The following TNRC6C variants were observed in gnomAD, a reference collection of about 807,000 sequenced individuals.
The protein encoded by TNRC6C is trinucleotide repeat-containing gene 6C protein.
A neutral mutation model predicts 153.7 loss-of-function variants in TNRC6C; 20 were observed. The ratio of observed to expected loss-of-function variants is 0.13; its 90% confidence interval spans 0.09 to 0.19. The LOEUF (loss-of-function observed/expected upper bound fraction) is 0.19. Among genes scored for constraint, TNRC6C ranks in the 10% least tolerant of loss-of-function variants. The pLI, the probability that TNRC6C is intolerant of heterozygous loss-of-function variation, is 1.00. For missense variants in TNRC6C, 1,987 were observed against 2,172.0 expected (o/e 0.91, Z 1.69); for synonymous variants, 811 against 841.4 (o/e 0.96, Z 0.63).
At chr17:78,074,017 A>G (rs962578218) in intron 7 of TNRC6C, among the ~76,000 whole-genome samples, 1 of 152,212 alleles carries the variant, frequency 6.6e-6, no homozygotes, top group African/African-American at 2.4e-5. Context: ...GTACCATATC[A>G]TTGATTCATG....
intron 1 of TNRC6C, among the ~76,000 whole-genome samples, chr17:77,961,511 T>C (rs377151124): frequency 6.8e-4 from 103 of 151,764 alleles, no homozygotes; most frequent in African/African-American, 2.4e-3. Context: ...CTGTCTGTCA[T>C]AAGGTTTAAT....
rs2072461171 is a variant in TNRC6C, at chr17:78,048,854, A to G, written c.-209A>G. ...GTTTCATCTTTTTCAGATCTCAGTC[A>G]TAGTGGATTGGCAGATCATTATGAA... On this transcript the variant is annotated 5_prime_UTR_variant, in exon 3 of 20. Coordinates refer to ENST00000301624, the Ensembl canonical transcript of TNRC6C. The G allele has an allele frequency of 4.0e-6, 5 of 1,238,388 alleles. 1 individual carries two copies. The highest frequency in any genetic ancestry group is 6.2e-4 in the Middle Eastern group (2 of 3,252). 76.7% of individuals were successfully genotyped at this position (1,238,388 alleles called of 1,614,324 possible).
At chr17:78,017,866 A>G (rs1188415460) in intron 1 of TNRC6C, among the ~76,000 whole-genome samples, 3 of 152,206 alleles carry the variant, frequency 2.0e-5, no homozygotes, top group Non-Finnish European at 4.4e-5. Context: ...GTGCGCACAC[A>G]TACACACAGA....
intron 6 of TNRC6C, among the ~76,000 whole-genome samples, chr17:78,072,055 C>T (rs1470472796): frequency 6.6e-6 from 1 of 152,210 alleles, no homozygotes; most frequent in East Asian, 1.9e-4. Context: ...TAGTGTTTAT[C>T]TTTCAGTTAC....
At chr17:78,086,512 C>T in exon 12 of TNRC6C, 2 of 1,613,796 alleles carry the variant, frequency 1.2e-6, no homozygotes, top group Non-Finnish European at 8.5e-7. Flanking sequence ...GGCATACCAA[C>T]GTTTACAAAT....
rs761429790 is a variant in TNRC6C at position 78,086,859 on chromosome 17, C to T, written c.3568C>T (p.Arg1190Cys). Residue 1190 changes from arginine (R) to cysteine (C), a missense_variant, in exon 13 of 20, where the codon CGC becomes TGC. By Grantham distance (180) the Arg-to-Cys change is radical. Transcript: ENST00000301624. ...CTATGTCTCTGCCTGCCAGGTTGCG[C>T]GCACAATCACTAATCTGCAGCAGCA... The T allele has an allele frequency of 1.1e-5, 18 of 1,611,674 alleles. No individual in the cohort carries two copies. The Middle Eastern group carries it at 4.9e-4, about 44-fold the overall frequency.
At chr17:78,081,619 ACT>A (rs2073182014) in intron 10 of TNRC6C, among the ~76,000 whole-genome samples, 1 of 151,880 alleles carries the variant, frequency 6.6e-6, no homozygotes. Context: ...ATCGGGGGTG[ACT>A]CTGCCATAGC....
At chr17:78,029,009 T>C (rs2072003365) in intron 1 of TNRC6C, among the ~76,000 whole-genome samples, 1 of 152,232 alleles carries the variant, frequency 6.6e-6, no homozygotes, top group South Asian at 2.1e-4. Flanking sequence ...ACCCTATTAT[T>C]AGGTTATCAC....
At chr17:77,987,775 G>GGAGA (rs1567902515) in intron 1 of TNRC6C, among the ~76,000 whole-genome samples, 1 of 152,128 alleles carries the variant, frequency 6.6e-6, no homozygotes, top group African/African-American at 2.4e-5. Context: ...TGCCTCCCGG[G>GGAGA]TTCAAGCGAT....
At chr17:77,977,951 A>G (rs1002802240) in intron 1 of TNRC6C, among the ~76,000 whole-genome samples, 4 of 133,378 alleles carry the variant, frequency 3.0e-5, no homozygotes, top group African/African-American at 8.8e-5. Context: ...GCTGGAGTGC[A>G]GTGGCGCAAT....
Position 78,075,967 on chromosome 17 carries a change from A to G in TNRC6C, c.3060+689A>G, listed in dbSNP as rs1439050952. On this transcript the variant is annotated intron_variant, in intron 8 of 19. Coordinates refer to ENST00000301624, the Ensembl canonical transcript of TNRC6C. This position sits in a 1 kb window ranked among gnomAD's most constrained non-coding sequence, Gnocchi z 4.2. The stretch of plus-strand genomic sequence containing the variant: ...TGCGGTGGCTCACTCCTGTAATCCC[A>G]GCACTTTGGGAGGCTGAGGTGGGTG... 1.3e-5 allele frequency among the ~76,000 whole-genome samples: 2 copies of G among 152,078 alleles called. No homozygotes were observed. Among genetic ancestry groups the G allele is most frequent in the Admixed American group, 6.6e-5 (1 of 15,264 alleles).
At chr17:77,967,296 T>C (rs2070905052) in intron 1 of TNRC6C, among the ~76,000 whole-genome samples, 1 of 152,220 alleles carries the variant, frequency 6.6e-6, no homozygotes, top group Admixed American at 6.5e-5. Context: ...TTAGCAGGGA[T>C]AATAACATGT....
Position 78,007,420 on chromosome 17 carries a change from A to G in TNRC6C, c.-546+2341A>G, listed in dbSNP as rs554922717. Among the ~76,000 whole-genome samples, 43 of 152,368 alleles carry G rather than the reference A, an allele frequency of 2.8e-4. No individual in the cohort carries two copies. The South Asian group carries it at 8.7e-3, about 31-fold the overall frequency. ...TCTTCATTATTACTGGTTCAAACCA[A>G]AATTCATTGCCTGAGAAATATTGGT... On this transcript the variant is annotated intron_variant, in intron 1 of 19. Transcript: ENST00000301624.
Position 78,092,922 on chromosome 17 carries a change from T to C in TNRC6C, c.3971-11T>C, listed in dbSNP as rs1214377316. Reference sequence around the variant, plus strand: ...ATTCACTCGCTTCTTTGTTTCCTATTGTCCCCATAGGTGCTATCCCTGGAG... The same window carrying C: ...ATTCACTCGCTTCTTTGTTTCCTATCGTCCCCATAGGTGCTATCCCTGGAG... On this transcript the variant is annotated splice_polypyrimidine_tract_variant and intron_variant, in intron 14 of 19. Transcript: ENST00000301624. 6.2e-7 allele frequency: 1 copy of C among 1,612,388 alleles called. No individual in the cohort carries two copies. Among genetic ancestry groups the C allele is most frequent in the Middle Eastern group, 1.7e-4 (1 of 5,934 alleles).
intron 2 of TNRC6C, among the ~76,000 whole-genome samples, chr17:78,041,493 A>G (rs996408338): frequency 8.5e-5 from 13 of 152,204 alleles, no homozygotes; most frequent in African/African-American, 2.9e-4. Context: ...TTTTGAAGAA[A>G]AACACAAGGC....
rs2072978737 is a variant in TNRC6C, at chr17:78,070,766, C to G, written c.2779-319C>G. Among the ~76,000 whole-genome samples, 8 of 152,002 alleles carry G rather than the reference C, an allele frequency of 5.3e-5. No homozygotes were observed. In the South Asian group the frequency reaches 1.2e-3, roughly 24 times the overall value. Reference sequence around the variant, plus strand: ...TCACATAGGGCTGTGTTCAAGGGAGCGCTTAGGATTATTGGATAGTAAAAG... The same window carrying G: ...TCACATAGGGCTGTGTTCAAGGGAGGGCTTAGGATTATTGGATAGTAAAAG... On this transcript the variant is annotated intron_variant, in intron 5 of 19. Transcript: ENST00000301624.
intron 1 of TNRC6C, among the ~76,000 whole-genome samples, chr17:77,995,315 A>AGT (rs545518401): frequency 2.8e-4 from 42 of 152,284 alleles, no homozygotes; most frequent in South Asian, 6.2e-4. Flanking sequence ...ACATGGCTGG[A>AGT]GTGTGCCTGC....
chr17:77,982,513 C>T (rs1353085519), intron 1 of TNRC6C, among the ~76,000 whole-genome samples: 1 of 151,828 alleles, frequency 6.6e-6, no homozygotes, highest in Non-Finnish European at 1.5e-5. Flanking sequence ...CAAAAAAAGA[C>T]AAAAAAGAAA....
Position 77,985,601 on chromosome 17 carries a change from C to CAAAAAAAAAAAAA in TNRC6C, c.-37-18566_-37-18554dup, listed in dbSNP as rs1229331703. Among the ~76,000 whole-genome samples the CAAAAAAAAAAAAA allele has an allele frequency of 7.5e-4, 72 of 96,230 alleles. 1 individual carries two copies. The highest frequency in any genetic ancestry group is 6.8e-4 in the South Asian group (2 of 2,920). The allele number at this position is 96,230 out of a possible 152,430, so 63.1% of individuals were successfully genotyped here. On this transcript the variant is annotated intron_variant, in intron 1 of 22. Transcript: ENST00000636222. The stretch of plus-strand genomic sequence containing the variant: ...TGGGCAACAGAGCGAGACTCCGTCT[C>CAAAAAAAAAAAAA]AAAAAAAAAAAAAAACCAGCAACTG...
Sources: allele counts gnomAD v4.1 joint callset (sites outside exome capture counted in the v4.1 genomes callset), GRCh38; gene constraint gnomAD v4.1.1; non-coding constraint Gnocchi (gnomAD v3.1); transcripts MANE v1.5; gene names NCBI Gene and HGNC (gene_info 2026-07-23, HGNC 2026-07-21).